The following MTM1 variants were observed in gnomAD, a reference collection of about 807,000 sequenced individuals.
MTM1 encodes the protein myotubularin 1, also known as myotubularin.
Under a neutral mutation model 52.1 loss-of-function variants are expected in MTM1, and 9 were observed. The ratio of observed to expected loss-of-function variants is 0.17; its 90% CI spans 0.10 to 0.30. MTM1 has a LOEUF of 0.30. Among genes scored for constraint, MTM1 ranks in the 10% least tolerant of loss-of-function variants. The probability of loss-of-function intolerance (pLI) is 1.00; values close to 1 mark genes in which losing one functional copy is unlikely to be tolerated. For synonymous variants in MTM1, 136 were observed against 163.8 expected, an observed-to-expected ratio of 0.83 and a Z score of 1.29; for missense variants, 277 against 470.7, an observed-to-expected ratio of 0.59 and a Z score of 3.81.
intron 10 of MTM1, among the ~76,000 whole-genome samples, chrX:150,652,690 CACACAT>C (rs1307327961): frequency 2.5e-4 from 22 of 87,926 alleles, no homozygotes; most frequent in Non-Finnish European, 4.4e-4. Flanking sequence ...CACACACACA[CACACAT>C]ACATACAGAA....
At chrX:150,588,537 ATTG>A (rs1252162184) in intron 1 of MTM1, among the ~76,000 whole-genome samples, 2 of 111,695 alleles carry the variant, frequency 1.8e-5, no homozygotes, top group Non-Finnish European at 3.8e-5. Context: ...AGGTTTGTGT[ATTG>A]TTGTTTTTCA....
At chrX:150,641,189 G>T in intron 7 of MTM1, 80 bp from the exon 8 acceptor site, 2 of 1,097,286 alleles carry the variant, frequency 1.8e-6, no homozygotes, top group Non-Finnish European at 1.3e-6. Flanking sequence ...CATATTGCTA[G>T]AAGGAAGAAA....
At chrX:150,624,676 A>T (rs1217299030) in intron 6 of MTM1, among the ~76,000 whole-genome samples, 1 of 112,029 alleles carries the variant, frequency 8.9e-6, no homozygotes, top group Non-Finnish European at 1.9e-5. Context: ...AATAGAATAG[A>T]ATAAGAGCAT....
At chrX:150,565,508 T>C (rs185714321), upstream of MTM1, among the ~76,000 whole-genome samples, 5 of 111,965 alleles carry the variant, frequency 4.5e-5, no homozygotes, top group African/African-American at 1.6e-4. Flanking sequence ...ACATTGAACC[T>C]GGTAGGATTA....
In MTM1 at chrX:150,632,348, T is replaced by C. The variant is rs186514589; in HGVS notation, c.445-6595T>C. On this transcript the variant is annotated intron_variant, in intron 6 of 14. Transcript: ENST00000370396. Reference sequence around the variant, plus strand: ...CAGGCTGAACTCACATGCAGTTTGGTGTCCGGGAGCACAGCGTGCATGTGG... The same window carrying C: ...CAGGCTGAACTCACATGCAGTTTGGCGTCCGGGAGCACAGCGTGCATGTGG... Among the ~76,000 whole-genome samples the C allele has an allele frequency of 1.4e-4, 16 of 111,704 alleles. No homozygotes were observed. In the East Asian group the frequency reaches 3.7e-3, roughly 26 times the overall value.
intron 1 of MTM1, among the ~76,000 whole-genome samples, chrX:150,591,704 C>G (rs912163129): frequency 8.9e-6 from 1 of 112,855 alleles, no homozygotes; most frequent in Non-Finnish European, 1.9e-5. Context: ...TCTGATTTTT[C>G]ACAAAAATAA....
At chrX:150,655,553 G>A (rs1194479770) in intron 10 of MTM1, among the ~76,000 whole-genome samples, 2 of 111,950 alleles carry the variant, frequency 1.8e-5, no homozygotes, top group South Asian at 3.6e-4. Flanking sequence ...GGAAGGTTAT[G>A]TGACCATGAG....
chrX:150,579,141 G>C (rs782061651), intron 1 of MTM1, among the ~76,000 whole-genome samples: 1 of 110,025 alleles, frequency 9.1e-6, no homozygotes, highest in Non-Finnish European at 1.9e-5. Context: ...TGCAACCTCC[G>C]CCTCCTGGGT....
chrX:150,663,370 G>C (rs782216724), intron 13 of MTM1, 63 bp from the exon 14 acceptor site: 1 of 1,140,632 alleles, frequency 8.8e-7, no homozygotes, highest in Non-Finnish European at 1.2e-6. Flanking sequence ...GCTGCAAAAT[G>C]GTTTGTGGAT....
intron 9 of MTM1, among the ~76,000 whole-genome samples, chrX:150,649,321 C>G (rs1557414111): frequency 8.9e-6 from 1 of 112,595 alleles, no homozygotes; most frequent in Admixed American, 9.4e-5. Context: ...CCAGAGGTGC[C>G]TGCTGCTGCC....
At chrX:150,610,139 T>G (rs1557412942) in intron 4 of MTM1, among the ~76,000 whole-genome samples, 1 of 112,313 alleles carries the variant, frequency 8.9e-6, no homozygotes, top group Non-Finnish European at 1.9e-5. Context: ...TCATTTTTAA[T>G]GCAGTCATTG....
intron 1 of MTM1, among the ~76,000 whole-genome samples, chrX:150,582,368 T>C (rs1185119402): frequency 1.8e-5 from 2 of 112,317 alleles, no homozygotes; most frequent in East Asian, 5.5e-4. Flanking sequence ...GAAATTGTTC[T>C]GAATGTAACC....
chrX:150,597,812 T>C (rs1276821783), intron 3 of MTM1, among the ~76,000 whole-genome samples: 2 of 111,658 alleles, frequency 1.8e-5, no homozygotes, highest in African/African-American at 6.5e-5. Context: ...AAAGGTTTGG[T>C]GCGGTGGCTC....
At position 150,671,404 on chromosome X, in the gene MTM1, A is replaced by T. The variant is rs1557415129; in HGVS notation, c.1645-24A>T. The T allele has an allele frequency of 2.5e-6, 3 of 1,208,432 alleles. No homozygotes were observed. In the African/African-American group the frequency reaches 5.3e-5, roughly 21 times the overall value. On this transcript the variant is annotated intron_variant, in intron 14 of 14. Transcript: ENST00000370396. ...CATGACGTGCGTGGCATAAAGTGTA[A>T]CTCAAGTCTCTGGTTCTCTCCAGCA...
At chrX:150,579,694 G>A (rs1246835900) in intron 1 of MTM1, among the ~76,000 whole-genome samples, 3 of 108,182 alleles carry the variant, frequency 2.8e-5, no homozygotes, top group African/African-American at 1.0e-4. Flanking sequence ...TAGAGATAGG[G>A]TCTTGCTGTA....
intron 1 of MTM1, among the ~76,000 whole-genome samples, chrX:150,581,398 A>C (rs1478033855): frequency 8.9e-6 from 1 of 111,738 alleles, no homozygotes; most frequent in African/African-American, 3.3e-5. Flanking sequence ...GTTGCACCTC[A>C]TGGGGTGTTT....
At chrX:150,590,808 A>G (rs1008916355) in intron 1 of MTM1, among the ~76,000 whole-genome samples, 1 of 112,065 alleles carries the variant, frequency 8.9e-6, no homozygotes, top group Non-Finnish European at 1.9e-5. Flanking sequence ...TAAGAATTTA[A>G]CTTTTTGTTT....
intron 6 of MTM1, among the ~76,000 whole-genome samples, chrX:150,623,800 A>G (rs1557413345): frequency 9.0e-6 from 1 of 111,568 alleles, no homozygotes; most frequent in African/African-American, 3.3e-5. Context: ...AGGAGGTAAC[A>G]TAAGCCTGAT....
chrX:150,650,895 C>A (rs1416522224), intron 10 of MTM1, among the ~76,000 whole-genome samples: 2 of 111,854 alleles, frequency 1.8e-5, no homozygotes, highest in East Asian at 5.6e-4. Context: ...TGTAGATTAA[C>A]CTGCAACTAC....
Sources: allele counts gnomAD v4.1 joint callset (sites outside exome capture counted in the v4.1 genomes callset), GRCh38; gene constraint gnomAD v4.1.1; transcripts MANE v1.5; gene names NCBI Gene and HGNC (gene_info 2026-07-23, HGNC 2026-07-21).